The following ORAI2 variants were observed in gnomAD, a reference collection of about 807,000 sequenced individuals.
The protein encoded by ORAI2 is protein orai-2.
ORAI2 carries 10 observed loss-of-function variants against 16.2 expected under a neutral mutation model. The observed-to-expected ratio is 0.62, with a 90% CI of 0.38 to 1.04. The LOEUF is 1.04. Ranked by LOEUF, ORAI2 falls within the 50% of genes least tolerant of loss-of-function variation. ORAI2 has a pLI of 0.01. For missense variants in ORAI2, 238 were observed against 355.5 expected, an observed-to-expected ratio of 0.67 and a Z score of 2.66; for synonymous variants, 150 against 157.5, an observed-to-expected ratio of 0.95 and a Z score of 0.35.
Position 102,453,096 on chromosome 7 carries a change from C to A in ORAI2, c.*6044C>A, listed in dbSNP as rs1429394427. ...TCAAGCAATTATCTTGCCTCAGCCT[C>A]CCAAGTAGCTGGGATTACAGGCATG... On this transcript the variant is annotated 3_prime_UTR_variant, in exon 4 of 4. Coordinates refer to ENST00000495936, the MANE Select transcript of ORAI2 (RefSeq NM_001126340.3). 6.6e-6 allele frequency: 1 copy of A among 152,296 alleles called. No homozygotes were observed. Among genetic ancestry groups the A allele is most frequent in the Non-Finnish European group, 1.5e-5 (1 of 68,096 alleles). The allele number at this position is 152,296 out of a possible 1,614,324, so 9.4% of individuals were successfully genotyped here.
At chr7:102,441,970 G>A (rs967695665) in intron 3 of ORAI2, among the ~76,000 whole-genome samples, 4 of 152,140 alleles carry the variant, frequency 2.6e-5, no homozygotes, top group Admixed American at 2.0e-4. Flanking sequence ...GCTGGGTAGA[G>A]TTCGCCCTTT....
intron 3 of ORAI2, among the ~76,000 whole-genome samples, chr7:102,440,122 A>T (rs906930233): frequency 1.3e-5 from 2 of 152,162 alleles, no homozygotes; most frequent in Non-Finnish European, 2.9e-5. Flanking sequence ...AATCAAATCA[A>T]ATCGCTGCAT....
rs142114794 is a variant in ORAI2, at chr7:102,443,445, G to T, written c.226-3068G>T. Among the ~76,000 whole-genome samples, 1,174 of 151,282 alleles carry T rather than the reference G, an allele frequency of 7.8e-3. 11 individuals carry two copies. Among genetic ancestry groups the T allele is most frequent in the Non-Finnish European group, 0.01 (712 of 67,830 alleles). On this transcript the variant is annotated intron_variant, in intron 3 of 3. Coordinates refer to ENST00000495936, the MANE Select transcript of ORAI2 (RefSeq NM_001126340.3). ...AGGCGCCCGCTTTTCTCCTTTTAAGGTGGAACAAAACCACTTTTTGCAAGC... is the reference window on the plus strand; with the variant it reads ...AGGCGCCCGCTTTTCTCCTTTTAAGTTGGAACAAAACCACTTTTTGCAAGC...
chr7:102,444,710 G>A (rs1180127617), intron 3 of ORAI2, among the ~76,000 whole-genome samples: 4 of 134,984 alleles, frequency 3.0e-5, no homozygotes, highest in African/African-American at 1.1e-4. Context: ...CTGTCACTTA[G>A]GCTGGAGTGC....
At chr7:102,442,548 G>T (rs1031483959) in intron 3 of ORAI2, among the ~76,000 whole-genome samples, 1 of 152,122 alleles carries the variant, frequency 6.6e-6, no homozygotes. Context: ...TCAGCCATGC[G>T]TGGTGGCACA....
rs2133241088 is a variant in ORAI2 at position 102,451,607 on chromosome 7, C to G, written c.*4555C>G. ...GATGAAACGGAATAAACCAGTGATG[C>G]TATTCAAAGTCTTTCTGTTCTTGGG... is the stretch of plus-strand genomic sequence containing the variant. On this transcript the variant is annotated 3_prime_UTR_variant, in exon 4 of 4. Coordinates refer to ENST00000495936, the MANE Select transcript of ORAI2 (RefSeq NM_001126340.3). 1 of 152,350 alleles carries G rather than the reference C, an allele frequency of 6.6e-6. No individual in the cohort carries two copies. Among genetic ancestry groups the G allele is most frequent in the East Asian group, 1.9e-4 (1 of 5,186 alleles). 9.4% of individuals were successfully genotyped at this position (152,350 alleles called of 1,614,324 possible).
intron 3 of ORAI2, among the ~76,000 whole-genome samples, chr7:102,442,941 A>G (rs185735456): frequency 7.9e-4 from 120 of 151,398 alleles, no homozygotes; most frequent in African/African-American, 2.5e-3. Flanking sequence ...AATCACTTGA[A>G]CCCGGGAAGC....
chr7:102,445,167 A>ACAGCTTCCCTCCTCCCC (rs1797314400), intron 3 of ORAI2, among the ~76,000 whole-genome samples: 1 of 57,902 alleles, frequency 1.7e-5, no homozygotes, highest in African/African-American at 1.6e-4. Flanking sequence ...GCCGGCTCTC[A>ACAGCTTCCCTCCTCCCC]CTGGGCTTTT....
rs1133472 is a variant in ORAI2, at chr7:102,439,157, C to T, written c.201C>T (p.Ser67=). ...AGCTGAAGGCCTCCAGCAGGACCTC[C>T]GCCCTCCTCTCCGGCTTTGCCATGG... is the stretch of plus-strand genomic sequence containing the variant. ...RAKLKASSRT[S]ALLSGFAMVA... The change falls in exon 3 of 4, where the codon TCC becomes TCT. Residue 67 remains serine, a synonymous_variant. Transcript: ENST00000495936. 5,771 of 1,613,726 alleles carry T rather than the reference C, an allele frequency of 3.6e-3. 115 individuals are homozygous for T. In the African/African-American group the frequency reaches 0.053, roughly 15 times the overall value.
Position 102,443,089 on chromosome 7 carries a change from T to TTTCTTCTTCTTC in ORAI2, c.226-3391_226-3380dup, listed in dbSNP as rs368278302. Among the ~76,000 whole-genome samples, 566 of 125,634 alleles carry TTTCTTCTTCTTC rather than the reference T, an allele frequency of 4.5e-3. 6 individuals are homozygous for TTTCTTCTTCTTC. The highest frequency in any genetic ancestry group is 0.016 in the African/African-American group (529 of 33,446). 82.4% of individuals were successfully genotyped at this position (125,634 alleles called of 152,430 possible). A position where few individuals can be genotyped will look rare whatever the true frequency, so the allele number is the denominator to read the frequency against. On this transcript the variant is annotated intron_variant, in intron 3 of 3. Coordinates refer to ENST00000495936, the MANE Select transcript of ORAI2 (RefSeq NM_001126340.3). ...AACACAGTGAAAAATTGCCTTCTCTTTTCTTCTTCTTCTTCTTCTTCTTCT... is the reference window on the plus strand; with the variant it reads ...AACACAGTGAAAAATTGCCTTCTCTTTTCTTCTTCTTCTTCTTCTTCTTCTTCTTCTTCTTCT...
rs1300831890 is a variant in ORAI2 at position 102,446,579 on chromosome 7, A to G, written c.292A>G (p.Ser98Gly). 6.2e-7 allele frequency: 1 copy of G among 1,613,526 alleles called. No individual in the cohort carries two copies. The highest frequency in any genetic ancestry group is 8.5e-7 in the Non-Finnish European group (1 of 1,179,962). ...CCCGCGGCCGCTGCTGATTGCCTTC[A>G]GCGCCTGCACCACGGTGCTGGTGGC... ...QYPRPLLIAF[S>G]ACTTVLVAVH... The change falls in exon 4 of 4, where the codon AGC (serine) becomes GGC (glycine). Residue 98 changes from serine to glycine, a missense_variant. This residue lies in a region of ORAI2 where 176 missense variants were observed against 265.9 expected (regional missense o/e 0.66). Coordinates refer to ENST00000495936, the MANE Select transcript of ORAI2 (RefSeq NM_001126340.3).
rs35635937 is a variant in ORAI2, at chr7:102,444,665, C to CTTT, written c.226-1832_226-1830dup. Reference sequence around the variant, plus strand: ...TAGAAGAACCTTCCCCAGGCTTCTTCTTTTTTTTTTTTTTTTTTGAGACAA... The same window carrying CTTT: ...TAGAAGAACCTTCCCCAGGCTTCTTCTTTTTTTTTTTTTTTTTTTTTGAGACAA... On this transcript the variant is annotated intron_variant, in intron 3 of 3. Transcript: ENST00000495936. 3.8e-3 allele frequency among the ~76,000 whole-genome samples: 453 copies of CTTT among 117,992 alleles called. 6 individuals carry two copies. Among genetic ancestry groups the CTTT allele is most frequent in the Middle Eastern group, 0.031 (6 of 196 alleles). The allele number at this position is 117,992 out of a possible 152,430, so 77.4% of individuals were successfully genotyped here.
At chr7:102,435,563 G>A (rs1263972663) in intron 1 of ORAI2, among the ~76,000 whole-genome samples, 1 of 138,238 alleles carries the variant, frequency 7.2e-6, no homozygotes, top group Admixed American at 7.8e-5. Flanking sequence ...TTGAGATGGA[G>A]TCTCGCTCTG....
At chr7:102,441,655 A>G (rs1450000456) in intron 3 of ORAI2, among the ~76,000 whole-genome samples, 1 of 151,404 alleles carries the variant, frequency 6.6e-6, no homozygotes, top group Non-Finnish European at 1.5e-5. Context: ...CAAGGGAGAA[A>G]TATTGTTGTT....
chr7:102,437,451 C>G lies in ORAI2; in HGVS notation c.-14+1118C>G, dbSNP rs189007933. Among the ~76,000 whole-genome samples, 430 of 151,898 alleles carry G rather than the reference C, an allele frequency of 2.8e-3. 3 individuals are homozygous for G. Among genetic ancestry groups the G allele is most frequent in the African/African-American group, 9.9e-3 (409 of 41,456 alleles). On this transcript the variant is annotated intron_variant, in intron 2 of 3. Transcript: ENST00000495936. The stretch of plus-strand genomic sequence containing the variant: ...CCAACATGGCGAAACCCTGTCTCTA[C>G]TAAAAATATAAAAATTAGCCAGGCA...
At position 102,451,993 on chromosome 7, in the gene ORAI2, T is replaced by G. The variant is rs1356036164; in HGVS notation, c.*4941T>G. ...CCACCTGGACAGGGTCAGCTTGGCGTTCCCCCCAGTCCCTTGAGGAGAGGA... is the reference window on the plus strand; with the variant it reads ...CCACCTGGACAGGGTCAGCTTGGCGGTCCCCCCAGTCCCTTGAGGAGAGGA... On this transcript the variant is annotated 3_prime_UTR_variant, in exon 4 of 4. Transcript: ENST00000495936. 6.6e-6 allele frequency: 1 copy of G among 152,250 alleles called. No homozygotes were observed. Among genetic ancestry groups the G allele is most frequent in the Non-Finnish European group, 1.5e-5 (1 of 68,084 alleles). The allele number at this position is 152,250 out of a possible 1,614,324, so 9.4% of individuals were successfully genotyped here.
chr7:102,439,277 C>G lies in ORAI2; in HGVS notation c.225+96C>G, dbSNP rs1797136491. The stretch of plus-strand genomic sequence containing the variant: ...CAGGGACCAGAGCCTTCCCTCCAGT[C>G]TCTGGCAGCCAGGATGGACCAGTAG... On this transcript the variant is annotated intron_variant, in intron 3 of 3. Coordinates refer to ENST00000495936, the MANE Select transcript of ORAI2 (RefSeq NM_001126340.3). 4.9e-6 allele frequency: 5 copies of G among 1,025,694 alleles called. No individual in the cohort carries two copies. In the South Asian group the frequency reaches 7.1e-5, roughly 15 times the overall value. 63.5% of individuals were successfully genotyped at this position (1,025,694 alleles called of 1,614,324 possible). A position where few individuals can be genotyped will look rare whatever the true frequency, so the allele number is the denominator to read the frequency against.
chr7:102,447,233 G>A lies in ORAI2; in HGVS notation c.*181G>A, dbSNP rs1423052335. 3 of 733,836 alleles carry A rather than the reference G, an allele frequency of 4.1e-6. No individual in the cohort carries two copies. Among genetic ancestry groups the A allele is most frequent in the Non-Finnish European group, 6.5e-6 (3 of 463,282 alleles). 45.5% of individuals were successfully genotyped at this position (733,836 alleles called of 1,614,324 possible). On this transcript the variant is annotated 3_prime_UTR_variant, in exon 4 of 4. Coordinates refer to ENST00000495936, the MANE Select transcript of ORAI2 (RefSeq NM_001126340.3). ...GATAGAACCGTTTGGTTCAATGAGG[G>A]ACTGTGTTGCTAAGAGCGTTGGGGG...
At position 102,447,307 on chromosome 7, in the gene ORAI2, C is replaced by T. The variant is rs1407369355; in HGVS notation, c.*255C>T. On this transcript the variant is annotated 3_prime_UTR_variant, in exon 4 of 4. Coordinates refer to ENST00000495936, the MANE Select transcript of ORAI2 (RefSeq NM_001126340.3). ...CTCGGGGTTTCCTGGGTCGGGGACA[C>T]GGTGAAGAGGCTCCAGCGGGACCTG... 1.4e-5 allele frequency: 7 copies of T among 503,050 alleles called. No individual in the cohort carries two copies. Among genetic ancestry groups the T allele is most frequent in the African/African-American group, 5.8e-5 (3 of 51,514 alleles). 31.2% of individuals were successfully genotyped at this position (503,050 alleles called of 1,614,324 possible).
Sources: gnomAD v4.1 joint callset for allele counts (sites outside exome capture counted in the v4.1 genomes callset) on GRCh38, gnomAD v4.1.1 for gene constraint, gnomAD v4.1.1 regional missense constraint, MANE v1.5 for transcripts, NCBI Gene and HGNC (gene_info 2026-07-23, HGNC 2026-07-21) for gene names.